The following CHST11 variants were observed in gnomAD, a reference collection of about 807,000 sequenced individuals.
CHST11 encodes carbohydrate sulfotransferase 11, also known as C4S-1.
A neutral mutation model predicts 30.4 loss-of-function variants in CHST11; 9 were observed. The observed-to-expected ratio is 0.30, with a 90% CI of 0.18 to 0.52. The LOEUF is 0.52. CHST11 is among the 20% of genes least tolerant of loss of function. CHST11 has a pLI of 0.97. For synonymous variants in CHST11, 152 were observed against 187.8 expected (o/e 0.81, Z 1.56); for missense variants, 348 against 460.6 (o/e 0.76, Z 2.24).
At chr12:104,640,142 T>A (rs962929771) in intron 2 of CHST11, among the ~76,000 whole-genome samples, 5 of 152,226 alleles carry the variant, frequency 3.3e-5, no homozygotes, top group African/African-American at 1.2e-4. Context: ...TGCAAAATGA[T>A]ACAGCCCTTT....
At chr12:104,507,913 A>C (rs776514188) in intron 1 of CHST11, among the ~76,000 whole-genome samples, 1 of 152,168 alleles carries the variant, frequency 6.6e-6, no homozygotes, top group East Asian at 1.9e-4. Context: ...GGCTCCTGGC[A>C]GACTGCACTT....
rs1000309495 is a variant in CHST11, at chr12:104,759,850, T to G, written c.*2047T>G. On this transcript the variant is annotated 3_prime_UTR_variant, in exon 3 of 3. Transcript: ENST00000303694. ...TTGGCTGTCCCTGGAATTGAGAATC[T>G]GGACCTTATTTCCAGGCAGAGAACA... is the stretch of plus-strand genomic sequence containing the variant. The G allele has an allele frequency of 2.0e-5, 3 of 152,248 alleles. No individual in the cohort carries two copies. The highest frequency in any genetic ancestry group is 7.2e-5 in the African/African-American group (3 of 41,456). 9.4% of individuals were successfully genotyped at this position (152,248 alleles called of 1,614,324 possible). A position where few individuals can be genotyped will look rare whatever the true frequency, so the allele number is the denominator to read the frequency against.
Position 104,754,037 on chromosome 12 carries a change from G to A in CHST11, c.205-2912G>A, listed in dbSNP as rs2040455458. On this transcript the variant is annotated intron_variant, in intron 2 of 2. Coordinates refer to ENST00000303694, the MANE Select transcript of CHST11 (RefSeq NM_018413.6). ...CTTTGCACATATAGATTATTGCTCT[G>A]CCCTTTATAGTGGGGATAAATTTGT... Among the ~76,000 whole-genome samples, 3 of 152,212 alleles carry A rather than the reference G, an allele frequency of 2.0e-5. No homozygotes were observed. In the South Asian group the frequency reaches 6.2e-4, roughly 31 times the overall value.
Position 104,751,602 on chromosome 12 carries a change from G to A in CHST11, c.205-5347G>A, listed in dbSNP as rs577006867. Among the ~76,000 whole-genome samples, 9 of 152,316 alleles carry A rather than the reference G, an allele frequency of 5.9e-5. No homozygotes were observed. In the East Asian group the frequency reaches 9.6e-4, roughly 16 times the overall value. On this transcript the variant is annotated intron_variant, in intron 2 of 2. Transcript: ENST00000303694. ...TTGTCTTTGAGATTCCTATCCAGGC[G>A]TTCTTTTTCAGATTTCTTTTTTCTT... is the stretch of plus-strand genomic sequence containing the variant.
intron 2 of CHST11, among the ~76,000 whole-genome samples, chr12:104,641,675 C>G (rs904228310): frequency 6.6e-6 from 1 of 152,142 alleles, no homozygotes; most frequent in Non-Finnish European, 1.5e-5. Flanking sequence ...TTCTGTCAAC[C>G]TAAAACTGCT....
rs367715787 is a variant in CHST11, at chr12:104,467,320, G to C, written c.118+9791G>C. Among the ~76,000 whole-genome samples the C allele has an allele frequency of 1.1e-4, 17 of 152,266 alleles. No individual in the cohort carries two copies. In the East Asian group the frequency reaches 2.9e-3, roughly 26 times the overall value. On this transcript the variant is annotated intron_variant, in intron 1 of 2. Transcript: ENST00000303694. ...TAGGTTAACTGAAAATGGAAGGTCT[G>C]GTGTCTAGATGAACAAAAAATGGGA...
chr12:104,595,730 C>G (rs560577576), intron 1 of CHST11, among the ~76,000 whole-genome samples: 2 of 152,308 alleles, frequency 1.3e-5, no homozygotes, highest in South Asian at 4.2e-4. Context: ...GACCAGGTGC[C>G]ATTTCATTCC....
In CHST11 at chr12:104,759,115, T is replaced by C. The variant is rs2040503741; in HGVS notation, c.*1312T>C. 6.6e-6 allele frequency: 1 copy of C among 152,150 alleles called. No individual in the cohort carries two copies. The highest frequency in any genetic ancestry group is 1.5e-5 in the Non-Finnish European group (1 of 68,038). 9.4% of individuals were successfully genotyped at this position (152,150 alleles called of 1,614,324 possible). The stretch of plus-strand genomic sequence containing the variant: ...AAATGCCAAGGTGAGACTCGTACAC[T>C]TGGGGATTTGCAATGGTTTTTACCC... On this transcript the variant is annotated 3_prime_UTR_variant, in exon 3 of 3. Transcript: ENST00000303694.
chr12:104,568,691 G>A (rs535870993), intron 1 of CHST11, among the ~76,000 whole-genome samples: 48 of 152,258 alleles, frequency 3.2e-4, no homozygotes, highest in African/African-American at 9.4e-4. Flanking sequence ...CCTGCAGGCA[G>A]TATTATCTCC....
At chr12:104,727,105 C>T (rs1715998734) in intron 2 of CHST11, among the ~76,000 whole-genome samples, 1 of 152,164 alleles carries the variant, frequency 6.6e-6, no homozygotes, top group South Asian at 2.1e-4. Context: ...CATCCACCCC[C>T]ACCCCAAATG....
chr12:104,524,921 C>T (rs1436542983), intron 1 of CHST11, among the ~76,000 whole-genome samples: 1 of 152,144 alleles, frequency 6.6e-6, no homozygotes, highest in African/African-American at 2.4e-5. Flanking sequence ...CATTGTAACA[C>T]TTTCATTTGT....
At chr12:104,488,567 G>A (rs556832776) in intron 1 of CHST11, among the ~76,000 whole-genome samples, 51 of 132,988 alleles carry the variant, frequency 3.8e-4, no homozygotes, top group African/African-American at 7.3e-4. Context: ...GTGTGTATGC[G>A]TGTGTATGTG....
At chr12:104,635,083 G>C (rs1566016955) in intron 2 of CHST11, among the ~76,000 whole-genome samples, 1 of 135,342 alleles carries the variant, frequency 7.4e-6, no homozygotes, top group Non-Finnish European at 1.7e-5. Context: ...ATGGAGTCCT[G>C]TCCTGCCCCC....
intron 2 of CHST11, among the ~76,000 whole-genome samples, chr12:104,622,451 A>C (rs2039169086): frequency 6.6e-6 from 1 of 152,224 alleles, no homozygotes; most frequent in South Asian, 2.1e-4. Flanking sequence ...AAGTACCCGC[A>C]TAGAGACTAG....
At chr12:104,604,966 T>A (rs1399829703) in intron 2 of CHST11, among the ~76,000 whole-genome samples, 1 of 152,136 alleles carries the variant, frequency 6.6e-6, no homozygotes, top group African/African-American at 2.4e-5. Context: ...TATATCCCCA[T>A]TTTATGGATG....
At chr12:104,589,373 C>A (rs1309419371) in intron 1 of CHST11, among the ~76,000 whole-genome samples, 1 of 148,372 alleles carries the variant, frequency 6.7e-6, no homozygotes, top group Non-Finnish European at 1.5e-5. Flanking sequence ...TGCACTCCAG[C>A]CTGAGTGACA....
rs189160991 is a variant in CHST11, at chr12:104,491,297, C to T, written c.118+33768C>T. On this transcript the variant is annotated intron_variant, in intron 1 of 2. Transcript: ENST00000303694. Reference sequence around the variant, plus strand: ...TGATCTGGAGTTTTCTGAGAGTGACCGGGGGTGGGATGGACAGGATAATTT... The same window carrying T: ...TGATCTGGAGTTTTCTGAGAGTGACTGGGGGTGGGATGGACAGGATAATTT... Among the ~76,000 whole-genome samples, 161 of 152,098 alleles carry T rather than the reference C, an allele frequency of 1.1e-3. 1 individual carries two copies. Among genetic ancestry groups the T allele is most frequent in the African/African-American group, 3.5e-3 (145 of 41,478 alleles).
At chr12:104,702,827 T>G (rs2136114225) in intron 2 of CHST11, among the ~76,000 whole-genome samples, 1 of 152,250 alleles carries the variant, frequency 6.6e-6, no homozygotes, top group African/African-American at 2.4e-5. Context: ...GGACAGCGGG[T>G]CGGCGAGAGT....
rs768446172 is a variant in CHST11 at position 104,757,161 on chromosome 12, C to T, written c.417C>T (p.Thr139=). The T allele has an allele frequency of 4.6e-5, 75 of 1,613,972 alleles. 1 individual carries two copies. The highest frequency in any genetic ancestry group is 4.6e-4 in the South Asian group (42 of 91,084). Residue 139 remains threonine (T), a synonymous_variant, in exon 3 of 3, where the codon ACC becomes ACT. Transcript: ENST00000303694. This position sits in a 1 kb window ranked among gnomAD's most constrained non-coding sequence, Gnocchi z 6.5. ...GGAAGCGGCTCATGATGGTCCTGACCGGGCGGGGGAAGTACAGCGACCCCA... is the reference window on the plus strand; with the variant it reads ...GGAAGCGGCTCATGATGGTCCTGACTGGGCGGGGGAAGTACAGCGACCCCA... ...TNWKRLMMVL[T]GRGKYSDPME...
Sources: allele counts gnomAD v4.1 joint callset (sites outside exome capture counted in the v4.1 genomes callset), GRCh38; gene constraint gnomAD v4.1.1; non-coding constraint Gnocchi (gnomAD v3.1); transcripts MANE v1.5; gene names NCBI Gene and HGNC (gene_info 2026-07-23, HGNC 2026-07-21).